The following ESF1 variants were observed in gnomAD, a reference collection of about 807,000 sequenced individuals.
ESF1 encodes ESF1 nucleolar pre-rRNA processing protein.
Under a neutral mutation model 92.0 loss-of-function variants are expected in ESF1, and 58 were observed. That is an observed-to-expected ratio of 0.63 (90% confidence interval 0.51 to 0.78). ESF1 has a LOEUF of 0.78. ESF1 is among the 30% of genes least tolerant of loss of function. ESF1 has a pLI of 0.00. For synonymous variants in ESF1, 321 were observed against 313.7 expected (o/e 1.02, Z -0.24); for missense variants, 922 against 989.1 (o/e 0.93, Z 0.91).
intron 1 of ESF1, 122 bp from the exon 2 acceptor site, chr20:13,783,305 G>C (rs989606203): frequency 1.0e-5 from 8 of 799,998 alleles, no homozygotes; most frequent in African/African-American, 3.5e-5. Flanking sequence ...ATAAAATAGA[G>C]GTAACAAGTC....
At chr20:13,746,528 C>T (rs1331752437) in intron 9 of ESF1, among the ~76,000 whole-genome samples, 1 of 152,158 alleles carries the variant, frequency 6.6e-6, no homozygotes, top group Non-Finnish European at 1.5e-5. Flanking sequence ...TCACAATAAA[C>T]TGTTAATGCT....
intron 2 of ESF1, among the ~76,000 whole-genome samples, chr20:13,780,809 AC>A (rs992629698): frequency 6.6e-5 from 10 of 152,220 alleles, no homozygotes; most frequent in Non-Finnish European, 1.2e-4. Context: ...GCTGGAGGTG[AC>A]AAAAAATTTT....
intron 9 of ESF1, among the ~76,000 whole-genome samples, chr20:13,743,590 C>T (rs6105158): frequency 6.6e-6 from 1 of 152,120 alleles, no homozygotes; most frequent in Admixed American, 6.5e-5. Flanking sequence ...ACAGATGATC[C>T]TAGAGAACAT....
At position 13,715,578 on chromosome 20, in the gene ESF1, T is replaced by C. The variant is rs147104977; in HGVS notation, c.2263-411A>G. Among the ~76,000 whole-genome samples the C allele has an allele frequency of 3.5e-4, 53 of 152,300 alleles. No individual in the cohort carries two copies. In the East Asian group the frequency reaches 9.8e-3, roughly 28 times the overall value. ...AGAACATCTGCTGGAGGCCCTGAAC[T>C]CTGAGTACATGTTAAGAAATTTTAA... On this transcript the variant is annotated intron_variant, in intron 13 of 13. Coordinates refer to ENST00000617257, the MANE Select transcript of ESF1 (RefSeq NM_001276380.2).
chr20:13,764,612 T>C (rs1029911273), intron 8 of ESF1, among the ~76,000 whole-genome samples: 2 of 152,220 alleles, frequency 1.3e-5, no homozygotes, highest in African/African-American at 4.8e-5. Flanking sequence ...TTGTATGTTA[T>C]ATGTATTATA....
intron 9 of ESF1, among the ~76,000 whole-genome samples, chr20:13,752,359 C>T (rs1978677783): frequency 6.6e-6 from 1 of 152,146 alleles, no homozygotes; most frequent in Admixed American, 6.5e-5. Flanking sequence ...TGGTTTCCTC[C>T]CCACCACCAA....
rs140484254 is a variant in ESF1, at chr20:13,775,270, T to C, written c.1036A>G (p.Ile346Val). The C allele has an allele frequency of 8.4e-5, 132 of 1,564,468 alleles. No homozygotes were observed. In the East Asian group the frequency reaches 2.9e-3, roughly 35 times the overall value. Residue 346 changes from isoleucine (I) to valine (V), a missense_variant and splice_region_variant, in exon 4 of 14, where the codon ATT (isoleucine) becomes GTT (valine). Ile to Val is a conservative substitution (Grantham distance 29, BLOSUM62 3). Transcript: ENST00000617257. ...TTACAAACTGCTAATCGACGTGTAA[T>C]CTGAGAAATGAGAAGAATTAAATAG... The part of the protein sequence containing the change: ...LDKDAPRADE[I>V]TRRLAVCNMD...
chr20:13,782,298 G>T (rs1189346037), intron 2 of ESF1, among the ~76,000 whole-genome samples: 2 of 152,148 alleles, frequency 1.3e-5, no homozygotes, highest in Admixed American at 6.5e-5. Flanking sequence ...TTAACTTCAA[G>T]ATTCAAATTT....
intron 9 of ESF1, among the ~76,000 whole-genome samples, chr20:13,747,107 ACTGGTGGTACG>A (rs2050054748): frequency 6.6e-6 from 1 of 152,136 alleles, no homozygotes; most frequent in Non-Finnish European, 1.5e-5. Context: ...TTTGTCATCC[ACTGGTGGTACG>A]CTGGTTGGGA....
intron 9 of ESF1, among the ~76,000 whole-genome samples, chr20:13,748,515 T>TACAC (rs1555823536): frequency 7.5e-6 from 1 of 133,166 alleles, no homozygotes; most frequent in African/African-American, 2.9e-5. Context: ...CACATATATA[T>TACAC]ACACATATAT....
At chr20:13,772,403 C>A in intron 5 of ESF1, 112 bp downstream of exon 5, 1 of 751,984 alleles carries the variant, frequency 1.3e-6, no homozygotes, top group South Asian at 1.8e-5. Flanking sequence ...CCTGTTTTAA[C>A]CACGAATGGC....
chr20:13,774,040 A>T (rs1295306300), intron 4 of ESF1, among the ~76,000 whole-genome samples: 1 of 151,884 alleles, frequency 6.6e-6, no homozygotes, highest in Non-Finnish European at 1.5e-5. Context: ...GCTTGCAGTG[A>T]GCCGAGATTG....
chr20:13,772,222 AGAGCAAC>A (rs1696275575), intron 5 of ESF1, among the ~76,000 whole-genome samples: 1 of 152,004 alleles, frequency 6.6e-6, no homozygotes, highest in African/African-American at 2.4e-5. Context: ...GTACTAATTC[AGAGCAAC>A]GAGGCTGAAA....
At chr20:13,733,450 T>C (rs1012667323) in intron 10 of ESF1, among the ~76,000 whole-genome samples, 2 of 152,254 alleles carry the variant, frequency 1.3e-5, no homozygotes, top group African/African-American at 4.8e-5. Context: ...AGATATTAAC[T>C]ATGTGTTTTA....
intron 10 of ESF1, among the ~76,000 whole-genome samples, chr20:13,730,703 AT>A (rs750007187): frequency 2.8e-3 from 400 of 143,180 alleles, no homozygotes; most frequent in Middle Eastern, 3.6e-3. Flanking sequence ...GCTTCTAAGA[AT>A]TTTTTTTTTT....
At chr20:13,773,310 T>C (rs1979773651) in intron 4 of ESF1, among the ~76,000 whole-genome samples, 1 of 152,208 alleles carries the variant, frequency 6.6e-6, no homozygotes, top group South Asian at 2.1e-4. Flanking sequence ...ATGATCCAAG[T>C]TTTTCTTACT....
Position 13,783,085 on chromosome 20 carries a change from TC to T in ESF1, c.55del (p.Asp19ThrfsTer31). 6.2e-7 allele frequency: 1 copy of T among 1,613,802 alleles called. No individual in the cohort carries two copies. ...SDQRFRRVAKDPRFWEMPEKD... is the reference protein window; with the variant it reads ...SDQRFRRVAKXPRFWEMPEKD... Reference sequence around the variant, plus strand: ...TTCTGGCATTTCCCAAAATCTCGGGTCCTTTGCAACCCGTCTAAACCGCTGG... The same window carrying T: ...TTCTGGCATTTCCCAAAATCTCGGGTCTTTGCAACCCGTCTAAACCGCTGG... On this transcript the variant is annotated frameshift_variant, in exon 2 of 14. Transcript: ENST00000617257. LOFTEE classifies it high-confidence loss of function.
chr20:13,775,380 T>C (rs1211142812), intron 3 of ESF1, 110 bp from the exon 4 acceptor site: 3 of 684,472 alleles, frequency 4.4e-6, no homozygotes, highest in Non-Finnish European at 7.3e-6. Context: ...CTGAAATTAA[T>C]AGTACAGGAG....
intron 10 of ESF1, among the ~76,000 whole-genome samples, chr20:13,731,627 G>A (rs1383647040): frequency 6.6e-6 from 1 of 152,060 alleles, no homozygotes; most frequent in Non-Finnish European, 1.5e-5. Flanking sequence ...ATCAATGGGA[G>A]CAGGGCTCTT....
Sources: gnomAD v4.1 joint callset for allele counts (sites outside exome capture counted in the v4.1 genomes callset) on GRCh38, gnomAD v4.1.1 for gene constraint, MANE v1.5 for transcripts, NCBI Gene and HGNC (gene_info 2026-07-23, HGNC 2026-07-21) for gene names.